The following DYRK1A variants were observed in gnomAD, a reference collection of about 807,000 sequenced individuals.
DYRK1A encodes the protein dual specificity tyrosine-phosphorylation-regulated kinase 1A.
A neutral mutation model predicts 79.7 loss-of-function variants in DYRK1A; 9 were observed. The observed-to-expected ratio is 0.11, with a 90% CI of 0.07 to 0.20. The LOEUF (loss-of-function observed/expected upper bound fraction) is 0.20, where lower values mean the gene tolerates loss of function less well. DYRK1A is among the 10% of genes least tolerant of loss of function. DYRK1A has a pLI of 1.00. For synonymous variants in DYRK1A, 349 were observed against 329.7 expected (o/e 1.06, Z -0.63); for missense variants, 622 against 956.0 (o/e 0.65, Z 4.61).
chr21:37,512,955 C>A lies in DYRK1A; in HGVS notation c.*424C>A. 1 of 154,298 alleles carries A rather than the reference C, an allele frequency of 6.5e-6. No individual in the cohort carries two copies. The highest frequency in any genetic ancestry group is 1.9e-4 in the South Asian group (1 of 5,360). 9.6% of individuals were successfully genotyped at this position (154,298 alleles called of 1,614,324 possible). A position where few individuals can be genotyped will look rare whatever the true frequency, so the allele number is the denominator to read the frequency against. Reference sequence around the variant, plus strand: ...TTTTTTTCTTTTTGTCCCCCCCATCCCCCTTTTTTTTTGTTTTGTTCTGTT... The same window carrying A: ...TTTTTTTCTTTTTGTCCCCCCCATCACCCTTTTTTTTTGTTTTGTTCTGTT... On this transcript the variant is annotated 3_prime_UTR_variant, in exon 12 of 12. Transcript: ENST00000647188.
At chr21:37,372,083 A>C (rs1297772369) in intron 1 of DYRK1A, among the ~76,000 whole-genome samples, 1 of 152,060 alleles carries the variant, frequency 6.6e-6, no homozygotes, top group East Asian at 1.9e-4. Flanking sequence ...AAGCTTTTGC[A>C]TGTCCGTAAA....
At chr21:37,478,594 A>G (rs1423962201) in intron 4 of DYRK1A, among the ~76,000 whole-genome samples, 1 of 152,016 alleles carries the variant, frequency 6.6e-6, no homozygotes, top group Non-Finnish European at 1.5e-5. Flanking sequence ...TGAGTTCTGT[A>G]ATAACTTATT....
In DYRK1A at chr21:37,505,367, T is replaced by A; in HGVS notation, c.1297T>A (p.Ser433Thr). 6.2e-7 allele frequency: 1 copy of A among 1,613,812 alleles called. No homozygotes were observed. The highest frequency in any genetic ancestry group is 1.1e-5 in the South Asian group (1 of 91,052). ...ACCTGGTGGGCGACGTGCTGGGGAG[T>A]CAGGTCATACGGTCGCTGACTACTT... ...GGPGGRRAGESGHTVADYLKF... is the reference protein window; with the variant it reads ...GGPGGRRAGETGHTVADYLKF... The change falls in exon 10 of 12, where the codon TCA (serine) becomes ACA (threonine). Residue 433 changes from serine (S) to threonine (T), a missense_variant. Around this residue, in one of 5 missense-constraint regions of DYRK1A, gnomAD observed 80 missense variants for 116.5 expected, o/e 0.69. Transcript: ENST00000647188.
At chr21:37,449,188 G>T (rs1399290151) in intron 2 of DYRK1A, among the ~76,000 whole-genome samples, 1 of 152,202 alleles carries the variant, frequency 6.6e-6, no homozygotes, top group East Asian at 1.9e-4. Flanking sequence ...TTCAAGCTGA[G>T]AAATGACATT....
chr21:37,377,788 G>A (rs1177808168), intron 1 of DYRK1A, among the ~76,000 whole-genome samples: 2 of 152,160 alleles, frequency 1.3e-5, no homozygotes, highest in African/African-American at 2.4e-5. Context: ...AAAGTATTCT[G>A]TTCTATGGTT....
At chr21:37,434,085 G>A (rs2050854033) in intron 2 of DYRK1A, among the ~76,000 whole-genome samples, 1 of 152,098 alleles carries the variant, frequency 6.6e-6, no homozygotes, top group Non-Finnish European at 1.5e-5. Flanking sequence ...GGTGATGGGT[G>A]CTTAGAGATG....
intron 2 of DYRK1A, among the ~76,000 whole-genome samples, chr21:37,437,172 T>C (rs1601084426): frequency 1.3e-5 from 2 of 152,328 alleles, no homozygotes; most frequent in Admixed American, 1.3e-4. Flanking sequence ...GTATAGACTT[T>C]GAAGTTTTTC....
At chr21:37,382,883 C>G (rs957530936) in intron 1 of DYRK1A, among the ~76,000 whole-genome samples, 4 of 152,178 alleles carry the variant, frequency 2.6e-5, no homozygotes, top group African/African-American at 9.7e-5. Flanking sequence ...AACCCATTAA[C>G]TGAAGAAATA....
Position 37,520,180 on chromosome 21 carries a change from G to T in DYRK1A, c.*7649G>T, listed in dbSNP as rs1236102969. The T allele has an allele frequency of 6.6e-6, 1 of 152,164 alleles. No individual in the cohort carries two copies. Among genetic ancestry groups the T allele is most frequent in the Non-Finnish European group, 1.5e-5 (1 of 68,046 alleles). 9.4% of individuals were successfully genotyped at this position (152,164 alleles called of 1,614,324 possible). On this transcript the variant is annotated 3_prime_UTR_variant, in exon 12 of 12. Transcript: ENST00000647188. The stretch of plus-strand genomic sequence containing the variant: ...TAAGGGTCTGTTTTTGAACAGGCAT[G>T]GTCATTAGACCCTTGTGATCACGCA...
chr21:37,465,199 T>C (rs1159729167), intron 2 of DYRK1A, among the ~76,000 whole-genome samples: 1 of 152,220 alleles, frequency 6.6e-6, no homozygotes, highest in Non-Finnish European at 1.5e-5. Context: ...ATAGGTGTTA[T>C]AATACATAGC....
chr21:37,429,212 A>G (rs1274325770), intron 2 of DYRK1A, among the ~76,000 whole-genome samples: 1 of 152,210 alleles, frequency 6.6e-6, no homozygotes, highest in Non-Finnish European at 1.5e-5. Context: ...TCTGCTTTGT[A>G]GAAGGTTACC....
intron 7 of DYRK1A, 103 bp from the exon 8 acceptor site, chr21:37,492,914 A>T: frequency 1.1e-6 from 1 of 946,316 alleles, no homozygotes; most frequent in East Asian, 2.5e-5. Flanking sequence ...CTAATTCAGG[A>T]ATTAGCCAAT....
intron 2 of DYRK1A, among the ~76,000 whole-genome samples, chr21:37,458,218 G>T (rs2051717518): frequency 6.6e-6 from 1 of 151,000 alleles, no homozygotes; most frequent in South Asian, 2.1e-4. Flanking sequence ...AGGCACGCTA[G>T]ACAAAGTTAT....
chr21:37,407,047 G>A (rs1265373175), intron 1 of DYRK1A, among the ~76,000 whole-genome samples: 1 of 150,882 alleles, frequency 6.6e-6, no homozygotes, highest in East Asian at 1.9e-4. Context: ...TTTTCTTCTG[G>A]ACATTTTCCT....
At chr21:37,368,638 A>T (rs13049226) in intron 1 of DYRK1A, among the ~76,000 whole-genome samples, 24,108 of 152,098 alleles carry the variant, frequency 0.16, 2,084 homozygotes, top group African/African-American at 0.2. Flanking sequence ...TTTTCAGTGG[A>T]TCGACCAGCT....
At chr21:37,454,267 C>T (rs2051561116) in intron 2 of DYRK1A, among the ~76,000 whole-genome samples, 2 of 151,580 alleles carry the variant, frequency 1.3e-5, no homozygotes, top group African/African-American at 4.8e-5. Flanking sequence ...TGATTTTTAA[C>T]GTTTTTGTAG....
intron 2 of DYRK1A, among the ~76,000 whole-genome samples, chr21:37,445,146 T>C (rs2051226713): frequency 1.3e-5 from 2 of 152,202 alleles, no homozygotes; most frequent in South Asian, 4.1e-4. Context: ...TTTAAATCTA[T>C]TAACTTTTTA....
intron 1 of DYRK1A, among the ~76,000 whole-genome samples, chr21:37,384,107 A>G (rs973643122): frequency 6.6e-5 from 10 of 152,166 alleles, no homozygotes; most frequent in African/African-American, 2.4e-5. Context: ...ACCTCAGTGC[A>G]GGAAGGGGAT....
chr21:37,427,406 G>A (rs2087444116), intron 2 of DYRK1A, among the ~76,000 whole-genome samples: 1 of 152,224 alleles, frequency 6.6e-6, no homozygotes, highest in African/African-American at 2.4e-5. Flanking sequence ...TTACAGGTGT[G>A]AGTCACCGTC....
Sources: allele counts gnomAD v4.1 joint callset (sites outside exome capture counted in the v4.1 genomes callset), GRCh38; gene constraint gnomAD v4.1.1; regional missense constraint gnomAD v4.1.1; transcripts MANE v1.5; gene names NCBI Gene and HGNC (gene_info 2026-07-23, HGNC 2026-07-21).